KCNMB3: variants seen among roughly 807,000 people sequenced by gnomAD.
KCNMB3 encodes potassium calcium-activated channel subfamily M regulatory beta subunit 3, also known as calcium-activated potassium channel subunit beta-3.
KCNMB3 carries 18 observed loss-of-function variants against 11.9 expected under a neutral mutation model. The ratio of observed to expected loss-of-function variants is 1.51; its 90% confidence interval spans 1.04 to 2.23. The LOEUF is 2.23. Among genes scored for constraint, KCNMB3 ranks in the 30% most tolerant of loss-of-function variants. The probability of loss-of-function intolerance (pLI) is 0.00; values close to 1 mark genes in which losing one functional copy is unlikely to be tolerated. For synonymous variants in KCNMB3, 78 were observed against 119.2 expected, an observed-to-expected ratio of 0.65 and a Z score of 2.25; for missense variants, 247 against 329.4, an observed-to-expected ratio of 0.75 and a Z score of 1.94.
exon 1 of KCNMB3, chr3:179,266,852 C>T: frequency 7.0e-7 from 1 of 1,438,198 alleles, no homozygotes; most frequent in Non-Finnish European, 9.1e-7. Context: ...CCATTAGAAG[C>T]CCCCCGCCTT....
At chr3:179,260,570 G>A (rs1726173785) in intron 1 of KCNMB3, 3 of 1,562,198 alleles carry the variant, frequency 1.9e-6, no homozygotes, top group African/African-American at 1.4e-5. Context: ...CCCATCCCCT[G>A]TCGACTTGAG....
At chr3:179,256,299 G>T (rs1410266376), upstream of KCNMB3, among the ~76,000 whole-genome samples, 1 of 152,028 alleles carries the variant, frequency 6.6e-6, no homozygotes. Context: ...AGCTGGACGT[G>T]GTGGCACACA....
chr3:179,254,794 C>T (rs940480222), upstream of KCNMB3, among the ~76,000 whole-genome samples: 3 of 151,838 alleles, frequency 2.0e-5, no homozygotes, highest in Non-Finnish European at 4.4e-5. Context: ...GAGCAAGACT[C>T]GTCTCAAATA....
chr3:179,261,517 G>C (rs867289595), intron 1 of KCNMB3, among the ~76,000 whole-genome samples: 1 of 152,010 alleles, frequency 6.6e-6, no homozygotes, highest in Admixed American at 6.6e-5. Flanking sequence ...CTGGCCGGGG[G>C]TGGAATGGCG....
rs1475164659 is a variant in KCNMB3 at position 179,250,903 on chromosome 3, C to A, written c.88G>T (p.Glu30Ter). 1 of 1,614,140 alleles carries A rather than the reference C, an allele frequency of 6.2e-7. No individual in the cohort carries two copies. Among genetic ancestry groups the A allele is most frequent in the East Asian group, 2.2e-5 (1 of 44,882 alleles). The change falls in exon 1 of 3, where the codon GAG becomes TAG. Residue 30 changes from glutamate (E) to a stop codon, truncating the protein, a stop_gained. Transcript: ENST00000392685. LOFTEE classifies it high-confidence loss of function. ...GGGTCTCCATCACTGTAGTCTGTCT[C>A]TCTCTTCTTCCCTGAGGCAGGAAAG... The part of the protein sequence containing the change: ...TAFPASGKKR[E>*]TDYSDGDPLD...
At chr3:179,244,459 G>C in intron 2 of KCNMB3, 36 bp downstream of exon 2, 1 of 1,559,870 alleles carries the variant, frequency 6.4e-7, no homozygotes, top group Non-Finnish European at 8.8e-7. Context: ...GCAGGGAAGG[G>C]TTGCTGTCAT....
chr3:179,266,233 C>A (rs1298715620), intron 1 of KCNMB3, among the ~76,000 whole-genome samples: 2 of 151,510 alleles, frequency 1.3e-5, no homozygotes, highest in Admixed American at 6.6e-5. Flanking sequence ...CCTGCCCAGT[C>A]ATATGGCTGA....
chr3:179,260,786 T>A (rs1006314786), intron 1 of KCNMB3: 41 of 1,421,352 alleles, frequency 2.9e-5, no homozygotes, highest in Non-Finnish European at 4.0e-5. Context: ...CCTTTCAAAT[T>A]ATTTGTTTTT....
intron 1 of KCNMB3, among the ~76,000 whole-genome samples, chr3:179,249,578 C>T (rs1725763019): frequency 6.6e-6 from 1 of 151,986 alleles, no homozygotes. Flanking sequence ...GAGGCTGAGG[C>T]AGGAGAACTG....
At chr3:179,265,603 C>T (rs1039449611) in intron 1 of KCNMB3, among the ~76,000 whole-genome samples, 1 of 152,054 alleles carries the variant, frequency 6.6e-6, no homozygotes, top group African/African-American at 2.4e-5. Flanking sequence ...ATTACAGGCG[C>T]GCCACCACCA....
chr3:179,266,295 C>G (rs1420790396), intron 1 of KCNMB3, among the ~76,000 whole-genome samples: 2 of 152,136 alleles, frequency 1.3e-5, no homozygotes, highest in African/African-American at 2.4e-5. Flanking sequence ...AGGGCTTCAC[C>G]AATGGGACCA....
chr3:179,239,951 C>A, downstream of KCNMB3: 1 of 1,192,920 alleles, frequency 8.4e-7, no homozygotes, highest in Non-Finnish European at 1.2e-6. Flanking sequence ...AAGACCTCTT[C>A]CCAGTCTTGC....
At chr3:179,262,497 G>C (rs1187107383) in intron 1 of KCNMB3, among the ~76,000 whole-genome samples, 1 of 152,186 alleles carries the variant, frequency 6.6e-6, no homozygotes, top group East Asian at 1.9e-4. Flanking sequence ...CAAAGAACGA[G>C]CAGTACCAAG....
intron 1 of KCNMB3, chr3:179,259,837 T>C (rs1726146584): frequency 1.3e-5 from 21 of 1,610,554 alleles, no homozygotes; most frequent in Non-Finnish European, 1.8e-5. Flanking sequence ...TCTACTGTAC[T>C]TGGACCTGTC....
chr3:179,263,518 GGCT>G (rs3043288), intron 1 of KCNMB3, among the ~76,000 whole-genome samples: 14,420 of 152,280 alleles, frequency 0.095, 1,056 homozygotes, highest in African/African-American at 0.2. Context: ...GGGCTGCAAG[GGCT>G]GCCAGCACGT....
chr3:179,259,316 G>A, intron 1 of KCNMB3: 1 of 1,562,522 alleles, frequency 6.4e-7, no homozygotes, highest in Non-Finnish European at 8.6e-7. Context: ...TGCTTTAAGT[G>A]GCACCAGCTA....
intron 1 of KCNMB3, among the ~76,000 whole-genome samples, chr3:179,262,449 C>G (rs898297625): frequency 2.0e-5 from 3 of 152,176 alleles, no homozygotes; most frequent in African/African-American, 4.8e-5. Flanking sequence ...TGCAGACCTT[C>G]GCAGTGAGTG....
rs1489707004 is a variant in KCNMB3 at position 179,257,548 on chromosome 3, A to G, written c.63-6614T>C. ...TCCAATAAGAATATACTGGGACATA[A>G]CAAATGAAAACATTTATAACAAAAT... On this transcript the variant is annotated intron_variant, in intron 1 of 3. Transcript: ENST00000349697. Among the ~76,000 whole-genome samples the G allele has an allele frequency of 3.9e-5, 6 of 152,228 alleles. No individual in the cohort carries two copies. The East Asian group carries it at 1.2e-3, about 29-fold the overall frequency.
At chr3:179,257,072 G>A (rs1726034038) in intron 1 of KCNMB3, among the ~76,000 whole-genome samples, 1 of 152,158 alleles carries the variant, frequency 6.6e-6, no homozygotes, top group Non-Finnish European at 1.5e-5. Context: ...GCTGAGCCAG[G>A]AGGATTGCTT....
Sources: gnomAD v4.1 joint callset for allele counts (sites outside exome capture counted in the v4.1 genomes callset) on GRCh38, gnomAD v4.1.1 for gene constraint, MANE v1.5 for transcripts, NCBI Gene and HGNC (gene_info 2026-07-23, HGNC 2026-07-21) for gene names.